PEX5L: variants seen among roughly 807,000 people sequenced by gnomAD.
The protein encoded by PEX5L is peroxisomal biogenesis factor 5 like.
A neutral mutation model predicts 84.0 loss-of-function variants in PEX5L; 30 were observed. That is an observed-to-expected ratio of 0.36 (90% CI 0.27 to 0.48). The LOEUF (loss-of-function observed/expected upper bound fraction) is 0.48, where lower values mean the gene tolerates loss of function less well. Among genes scored for constraint, PEX5L ranks in the 20% least tolerant of loss-of-function variants. PEX5L has a pLI of 0.99. For synonymous variants in PEX5L, 270 were observed against 283.1 expected (o/e 0.95, Z 0.46); for missense variants, 533 against 754.6 (o/e 0.71, Z 3.44).
At chr3:180,018,514 G>A (rs1005205692) in intron 1 of PEX5L, among the ~76,000 whole-genome samples, 1 of 152,166 alleles carries the variant, frequency 6.6e-6, no homozygotes, top group African/African-American at 2.4e-5. Context: ...TGTTATAAAT[G>A]AAAACATATT....
At chr3:180,001,431 G>A (rs73180021) in intron 1 of PEX5L, among the ~76,000 whole-genome samples, 1,884 of 150,000 alleles carry the variant, frequency 0.013, 16 homozygotes, top group Non-Finnish European at 0.02. Flanking sequence ...TACACCCACC[G>A]TCTCTCTGAT....
At chr3:179,905,759 G>A (rs1249691128) in intron 2 of PEX5L, among the ~76,000 whole-genome samples, 1 of 151,974 alleles carries the variant, frequency 6.6e-6, no homozygotes, top group East Asian at 1.9e-4. Context: ...TTGGGACCTT[G>A]TTATTATCTT....
rs1297927890 is a variant in PEX5L, at chr3:179,875,387, G to T, written c.596C>A (p.Ser199Tyr). Residue 199 changes from serine (S) to tyrosine (Y), a missense_variant, in exon 6 of 15, where the codon TCC (serine) becomes TAC (tyrosine). Physicochemically the swap from Ser to Tyr is moderately radical, Grantham distance 144. This residue lies in a region of PEX5L where 259 missense variants were observed against 301.7 expected (regional missense o/e 0.86). Coordinates refer to ENST00000467460, the MANE Select transcript of PEX5L (RefSeq NM_016559.3). ...CTCTTTTGATCCAGTTCTAGATGAG[G>T]ATGATTTTCTCTCTGCCATTGGATG... ...KGHPMAERKS[S>Y]SSRTGSKELL... The T allele has an allele frequency of 1.9e-6, 3 of 1,613,490 alleles. No homozygotes were observed. The highest frequency in any genetic ancestry group is 2.5e-6 in the Non-Finnish European group (3 of 1,179,516).
intron 8 of PEX5L, among the ~76,000 whole-genome samples, chr3:179,850,842 T>C (rs1396768997): frequency 6.6e-6 from 1 of 152,206 alleles, no homozygotes; most frequent in African/African-American, 2.4e-5. Context: ...GGTAATATTG[T>C]CATAGAAAGC....
chr3:179,847,058 CAT>C (rs377502590), intron 8 of PEX5L, among the ~76,000 whole-genome samples: 34,235 of 136,470 alleles, frequency 0.25, 4,044 homozygotes, highest in Non-Finnish European at 0.27. Context: ...TCCCTTTCTC[CAT>C]GTGTGTGTGT....
chr3:179,813,379 A>C (rs1045923456), intron 10 of PEX5L, among the ~76,000 whole-genome samples: 2 of 152,224 alleles, frequency 1.3e-5, no homozygotes, highest in African/African-American at 4.8e-5. Flanking sequence ...AATGTAATAT[A>C]TTTGAAAACG....
intron 1 of PEX5L, chr3:179,973,998 T>C (rs1785417890): frequency 1.0e-6 from 1 of 985,324 alleles, no homozygotes; most frequent in Non-Finnish European, 1.2e-6. Context: ...TAAGCCATAA[T>C]GGTATTCACT....
intron 3 of PEX5L, chr3:179,895,797 T>G (rs1205708170): frequency 6.6e-6 from 1 of 152,292 alleles, no homozygotes; most frequent in Admixed American, 6.5e-5. Context: ...AAAAGCTCAG[T>G]GTTTCAGTGA....
intron 1 of PEX5L, among the ~76,000 whole-genome samples, chr3:179,980,460 A>G (rs2110327233): frequency 6.6e-6 from 1 of 152,304 alleles, no homozygotes; most frequent in South Asian, 2.1e-4. Flanking sequence ...AACTGCAGGC[A>G]TCCTAAGTTA....
Position 179,926,606 on chromosome 3 carries a change from G to A in PEX5L, c.94-28360C>T, listed in dbSNP as rs188615242. Among the ~76,000 whole-genome samples, 7 of 152,152 alleles carry A rather than the reference G, an allele frequency of 4.6e-5. No homozygotes were observed. In the East Asian group the frequency reaches 7.7e-4, roughly 17 times the overall value. ...CAAAGTCCCTCCATCCCTTTATCTC[G>A]TGCTAATTCTGTGCAAAGGACTTAT... On this transcript the variant is annotated intron_variant, in intron 2 of 14. Coordinates refer to ENST00000467460, the MANE Select transcript of PEX5L (RefSeq NM_016559.3).
intron 1 of PEX5L, among the ~76,000 whole-genome samples, chr3:179,975,539 T>C (rs1263369125): frequency 6.6e-6 from 1 of 152,174 alleles, no homozygotes; most frequent in African/African-American, 2.4e-5. Flanking sequence ...AAAATAAATA[T>C]AAAGGTTTGC....
chr3:179,917,214 T>C (rs943656331), intron 2 of PEX5L, among the ~76,000 whole-genome samples: 1 of 152,108 alleles, frequency 6.6e-6, no homozygotes, highest in East Asian at 1.9e-4. Flanking sequence ...CACCTCCACA[T>C]CTTGTCCCAC....
At chr3:179,839,608 T>G (rs757609230) in intron 8 of PEX5L, among the ~76,000 whole-genome samples, 2 of 152,186 alleles carry the variant, frequency 1.3e-5, no homozygotes, top group Non-Finnish European at 2.9e-5. Flanking sequence ...TGAGTTCTAT[T>G]TTTCAATGCC....
intron 4 of PEX5L, 131 bp downstream of exon 4, chr3:179,887,542 G>A: frequency 1.5e-6 from 1 of 676,450 alleles, no homozygotes; most frequent in Non-Finnish European, 2.6e-6. Flanking sequence ...ATGCTAAATA[G>A]TATACATTCT....
chr3:179,883,733 A>G (rs1973797), intron 4 of PEX5L, among the ~76,000 whole-genome samples: 141,168 of 152,230 alleles, frequency 0.93, 65,579 homozygotes, highest in African/African-American at 0.98. Context: ...GCGGTGAGCC[A>G]AGATCATGCC....
chr3:179,809,471 C>G lies in PEX5L; in HGVS notation c.1352G>C (p.Ser451Thr). Residue 451 changes from serine (S) to threonine (T), a missense_variant and splice_region_variant, in exon 12 of 15, where the codon AGC becomes ACC. This residue lies in a region of PEX5L where 63 missense variants were observed against 60.2 expected (regional missense o/e 1.05). Transcript: ENST00000467460. Reference sequence around the variant, plus strand: ...AGCTGTAATATAACGAGAAGGATACCTATCAACTGGGGACTTAGACATCCG... The same window carrying G: ...AGCTGTAATATAACGAGAAGGATACGTATCAACTGGGGACTTAGACATCCG... ...TRRMSKSPVD[S>T]SVLEGVKELY... The G allele has an allele frequency of 6.2e-7, 1 of 1,610,170 alleles. No homozygotes were observed. The highest frequency in any genetic ancestry group is 8.5e-7 in the Non-Finnish European group (1 of 1,176,470).
At chr3:179,965,528 C>T (rs79459985) in intron 2 of PEX5L, among the ~76,000 whole-genome samples, 1,822 of 152,290 alleles carry the variant, frequency 0.012, 37 homozygotes, top group African/African-American at 0.042. Context: ...ATTCTTTCCT[C>T]AGCTATCTTA....
At chr3:179,968,217 T>C (rs944500333) in intron 2 of PEX5L, among the ~76,000 whole-genome samples, 3 of 152,186 alleles carry the variant, frequency 2.0e-5, no homozygotes. Flanking sequence ...AAAATTGTTA[T>C]CTAGGTCCAG....
chr3:179,862,173 C>T (rs1746438127), intron 7 of PEX5L, among the ~76,000 whole-genome samples: 1 of 152,194 alleles, frequency 6.6e-6, no homozygotes, highest in South Asian at 2.1e-4. Context: ...GTTGCCTCCT[C>T]TTCTCTCTCA....
Sources: gnomAD v4.1 joint callset for allele counts (sites outside exome capture counted in the v4.1 genomes callset) on GRCh38, gnomAD v4.1.1 for gene constraint, gnomAD v4.1.1 regional missense constraint, MANE v1.5 for transcripts, NCBI Gene and HGNC (gene_info 2026-07-23, HGNC 2026-07-21) for gene names.